Variants in AUTS2 observed in about 807,000 individuals in gnomAD.
AUTS2 encodes the protein autism susceptibility gene 2 protein.
AUTS2 carries 17 observed loss-of-function variants against 112.4 expected under a neutral mutation model. That is an observed-to-expected ratio of 0.15 (90% confidence interval 0.10 to 0.23). The LOEUF (loss-of-function observed/expected upper bound fraction) is 0.23. AUTS2 is among the 10% of genes least tolerant of loss of function. The pLI, the probability that AUTS2 is intolerant of heterozygous loss-of-function variation, is 1.00. For synonymous variants in AUTS2, 751 were observed against 702.7 expected, an observed-to-expected ratio of 1.07 and a Z score of -1.09; for missense variants, 1,510 against 1,701.6, an observed-to-expected ratio of 0.89 and a Z score of 1.98.
chr7:70,004,933 T>C (rs1799477246), intron 2 of AUTS2, among the ~76,000 whole-genome samples: 1 of 151,992 alleles, frequency 6.6e-6, no homozygotes, highest in Non-Finnish European at 1.5e-5. Context: ...TGAGTAATTC[T>C]CCTGCCTCAG....
chr7:69,735,800 A>C (rs1787004458), intron 1 of AUTS2, among the ~76,000 whole-genome samples: 1 of 152,240 alleles, frequency 6.6e-6, no homozygotes, highest in African/African-American at 2.4e-5. Flanking sequence ...GTAGACAGCC[A>C]GTGCAGGGGA....
chr7:70,406,164 C>G (rs532546339), intron 4 of AUTS2, among the ~76,000 whole-genome samples: 2 of 152,282 alleles, frequency 1.3e-5, no homozygotes, highest in South Asian at 2.1e-4. Context: ...TCATCTGTCT[C>G]CCTCCCTTGC....
chr7:70,043,498 C>T (rs186054312), intron 2 of AUTS2, among the ~76,000 whole-genome samples: 89 of 151,574 alleles, frequency 5.9e-4, no homozygotes, highest in African/African-American at 2.0e-3. Flanking sequence ...ACTAAATGCT[C>T]TCTCCCGTTT....
At chr7:70,059,724 C>T (rs939161677) in intron 2 of AUTS2, among the ~76,000 whole-genome samples, 4 of 151,996 alleles carry the variant, frequency 2.6e-5, no homozygotes, top group Admixed American at 6.6e-5. Flanking sequence ...TGTAGGAACA[C>T]GGTGTTATGT....
intron 1 of AUTS2, among the ~76,000 whole-genome samples, chr7:69,644,762 T>G (rs1176645210): frequency 6.6e-6 from 1 of 152,218 alleles, no homozygotes; most frequent in East Asian, 1.9e-4. Flanking sequence ...GCTATGTTTA[T>G]TTATTTGGCT....
chr7:70,669,544 T>C (rs975438147), intron 5 of AUTS2, among the ~76,000 whole-genome samples: 2 of 152,206 alleles, frequency 1.3e-5, no homozygotes, highest in Admixed American at 6.5e-5. Flanking sequence ...GAACTGAGGC[T>C]CAGAGAGATT....
chr7:69,886,939 T>C (rs1794305467), intron 1 of AUTS2, among the ~76,000 whole-genome samples: 2 of 152,142 alleles, frequency 1.3e-5, no homozygotes, highest in Admixed American at 6.5e-5. Flanking sequence ...CACACCCAGC[T>C]AATTTAAAAA....
chr7:70,471,599 T>G (rs1585184969), intron 5 of AUTS2, among the ~76,000 whole-genome samples: 1 of 152,172 alleles, frequency 6.6e-6, no homozygotes, highest in African/African-American at 2.4e-5. Flanking sequence ...GGGATATTAA[T>G]ATCTCTCTCC....
chr7:70,608,722 G>T (rs542547996), intron 5 of AUTS2, among the ~76,000 whole-genome samples: 3 of 152,182 alleles, frequency 2.0e-5, no homozygotes, highest in African/African-American at 4.8e-5. Context: ...CAATCCCCTG[G>T]TGTACTGCTC....
At chr7:70,193,735 A>C (rs912549897) in intron 4 of AUTS2, among the ~76,000 whole-genome samples, 1 of 152,234 alleles carries the variant, frequency 6.6e-6, no homozygotes, top group South Asian at 2.1e-4. Context: ...ATTTTCTAAC[A>C]TGATAAAGCA....
intron 4 of AUTS2, among the ~76,000 whole-genome samples, chr7:70,406,249 G>A (rs1245902151): frequency 6.6e-6 from 1 of 152,114 alleles, no homozygotes; most frequent in Admixed American, 6.6e-5. Flanking sequence ...GAGGACATGG[G>A]GAGTGAGAGG....
rs558669400 is a variant in AUTS2 at position 69,741,621 on chromosome 7, A to T, written c.309+141659A>T. Among the ~76,000 whole-genome samples the T allele has an allele frequency of 5.8e-4, 88 of 151,818 alleles. 1 individual carries two copies. The highest frequency in any genetic ancestry group is 2.4e-3 in the Admixed American group (36 of 15,242). On this transcript the variant is annotated intron_variant, in intron 1 of 18. Transcript: ENST00000342771. The stretch of plus-strand genomic sequence containing the variant: ...TTGGGAGGCTGAGGCAGGAGGATGG[A>T]TTGAGCCTGGAAGGCAGAGGTTGCA...
intron 1 of AUTS2, among the ~76,000 whole-genome samples, chr7:69,878,290 G>A (rs116580454): frequency 0.018 from 2,792 of 152,242 alleles, 31 homozygotes; most frequent in African/African-American, 0.026. Flanking sequence ...GCGGGGAGGG[G>A]AAGGACTGGC....
intron 2 of AUTS2, among the ~76,000 whole-genome samples, chr7:70,095,970 T>G (rs1207760449): frequency 3.9e-5 from 6 of 152,216 alleles, no homozygotes; most frequent in African/African-American, 1.4e-4. Flanking sequence ...TATACTTGTA[T>G]ATAAACCCTA....
chr7:70,699,935 C>T (rs1422180335), intron 6 of AUTS2, among the ~76,000 whole-genome samples: 1 of 150,180 alleles, frequency 6.7e-6, no homozygotes, highest in Non-Finnish European at 1.5e-5. Flanking sequence ...AGGGCTTCTT[C>T]GTTTCTGCAG....
chr7:70,368,579 A>G (rs1169162342), intron 4 of AUTS2, among the ~76,000 whole-genome samples: 1 of 152,214 alleles, frequency 6.6e-6, no homozygotes, highest in Non-Finnish European at 1.5e-5. Flanking sequence ...GGCCAACATT[A>G]ATTAGGAAGG....
At chr7:69,957,639 A>G (rs1313564572) in intron 2 of AUTS2, among the ~76,000 whole-genome samples, 1 of 152,110 alleles carries the variant, frequency 6.6e-6, no homozygotes, top group Non-Finnish European at 1.5e-5. Context: ...ACATTTGGAG[A>G]CCATTTCTAT....
chr7:70,694,037 G>A lies in AUTS2; in HGVS notation c.691-4532G>A, dbSNP rs994853830. The A allele has an allele frequency of 1.3e-5, 2 of 151,606 alleles. No homozygotes were observed. Among genetic ancestry groups the A allele is most frequent in the Non-Finnish European group, 2.9e-5 (2 of 67,838 alleles). 9.4% of individuals were successfully genotyped at this position (151,606 alleles called of 1,614,324 possible). ...GGCGGCTCGGGCTCGGCGCGCCGAG[G>A]AAGTCCCGCTCCGAGAGCTGCGAGC... On this transcript the variant is annotated intron_variant, in intron 5 of 18. Transcript: ENST00000342771. The surrounding 1 kb of genome is among the most constrained non-coding windows in gnomAD (Gnocchi z 4.1).
At chr7:70,051,329 GTC>G (rs1297459157) in intron 2 of AUTS2, among the ~76,000 whole-genome samples, 2 of 152,140 alleles carry the variant, frequency 1.3e-5, no homozygotes, top group African/African-American at 4.8e-5. Context: ...GACTCCCTCT[GTC>G]TCTCAGCATC....
Sources: gnomAD v4.1 joint callset for allele counts (sites outside exome capture counted in the v4.1 genomes callset) on GRCh38, gnomAD v4.1.1 for gene constraint, Gnocchi (gnomAD v3.1) non-coding constraint, MANE v1.5 for transcripts, NCBI Gene and HGNC (gene_info 2026-07-23, HGNC 2026-07-21) for gene names.